BCCIP: variants seen among roughly 807,000 people sequenced by gnomAD.
BCCIP encodes the protein BRCA2 and CDKN1A interacting protein.
A neutral mutation model predicts 32.8 loss-of-function variants in BCCIP; 23 were observed. The observed-to-expected ratio is 0.70, with a 90% CI of 0.51 to 0.99. The LOEUF is 0.99. Ranked by LOEUF, BCCIP falls within the 50% of genes least tolerant of loss-of-function variation. BCCIP has a pLI of 0.00. For missense variants in BCCIP, 378 were observed against 379.8 expected (o/e 1.00, Z 0.04); for synonymous variants, 144 against 137.6 (o/e 1.05, Z -0.33).
chr10:125,835,968 A>G (rs1854669352), intron 6 of BCCIP, 136 bp from the exon 7 acceptor site: 2 of 773,720 alleles, frequency 2.6e-6, no homozygotes, highest in African/African-American at 1.8e-5. Flanking sequence ...AACTTTTTCA[A>G]TTCTGAGTTT....
chr10:125,850,110 C>T (rs1020348042), intron 7 of BCCIP, among the ~76,000 whole-genome samples: 1 of 148,322 alleles, frequency 6.7e-6, no homozygotes, highest in South Asian at 2.1e-4. Context: ...GTACTACAGG[C>T]GTATGCCACC....
At chr10:125,835,082 G>A (rs908953715) in intron 6 of BCCIP, among the ~76,000 whole-genome samples, 7 of 151,738 alleles carry the variant, frequency 4.6e-5, no homozygotes, top group African/African-American at 1.5e-4. Context: ...GCAGTGAGCC[G>A]AGATTGCGCC....
intron 1 of BCCIP, chr10:125,826,296 T>C: frequency 2.8e-6 from 1 of 356,242 alleles, no homozygotes; most frequent in Non-Finnish European, 5.1e-6. Flanking sequence ...TAAGTCAAGC[T>C]CTAGGCAATT....
At chr10:125,826,031 T>C (rs1028175163) in intron 1 of BCCIP, 2 of 153,970 alleles carry the variant, frequency 1.3e-5, no homozygotes, top group African/African-American at 4.8e-5. Flanking sequence ...AAGGAAGGCT[T>C]TCCTGACTGA....
downstream of BCCIP, among the ~76,000 whole-genome samples, chr10:125,843,414 TC>T (rs1306480962): frequency 2.0e-5 from 3 of 152,088 alleles, no homozygotes; most frequent in Non-Finnish European, 4.4e-5. Flanking sequence ...ATTGAGACCA[TC>T]CTGGCTAACA....
Position 125,836,336 on chromosome 10 carries a change from A to G in BCCIP, c.*62A>G. The stretch of plus-strand genomic sequence containing the variant: ...AAAATTACCAGAAAACTCAGTGGAG[A>G]TTTACTGAAAAACTCAGACTTTATT... On this transcript the variant is annotated 3_prime_UTR_variant, in exon 7 of 7. Coordinates refer to ENST00000278100, the MANE Select transcript of BCCIP (RefSeq NM_078468.3). 1 of 1,610,204 alleles carries G rather than the reference A, an allele frequency of 6.2e-7. No homozygotes were observed. Among genetic ancestry groups the G allele is most frequent in the Non-Finnish European group, 8.5e-7 (1 of 1,178,578 alleles).
Position 125,826,612 on chromosome 10 carries a change from G to A in BCCIP, c.187G>A (p.Ala63Thr), listed in dbSNP as rs1354218320. 6.2e-7 allele frequency: 1 copy of A among 1,613,626 alleles called. No individual in the cohort carries two copies. Among genetic ancestry groups the A allele is most frequent in the Non-Finnish European group, 8.5e-7 (1 of 1,179,778 alleles). ...ACAGGAAGTGAATATTGAATTTGAA[G>A]CTTATTCCCTATCAGATAATGATTA... ...IDEEVNIEFEAYSLSDNDYDG... is the reference protein window; with the variant it reads ...IDEEVNIEFETYSLSDNDYDG... Residue 63 changes from alanine to threonine, a missense_variant, in exon 2 of 7, where the codon GCT (alanine) becomes ACT (threonine). Transcript: ENST00000278100.
chr10:125,831,435 G>A lies in BCCIP; in HGVS notation c.427G>A (p.Glu143Lys). The A allele has an allele frequency of 1.2e-6, 2 of 1,613,966 alleles. No homozygotes were observed. Among genetic ancestry groups the A allele is most frequent in the Non-Finnish European group, 1.7e-6 (2 of 1,179,914 alleles). ...TGCTTTCTAGGGTACCCAGTGTGTT[G>A]AACAAATTCAAGAGTTGGTTCTACG... is the stretch of plus-strand genomic sequence containing the variant. ...LTERKGTQCV[E>K]QIQELVLRFC... is the part of the protein sequence containing the mutation. Residue 143 changes from glutamate (E) to lysine (K), a missense_variant, in exon 5 of 7, where the codon GAA (glutamate) becomes AAA (lysine). By Grantham distance (56) the Glu-to-Lys change is moderately conservative. Coordinates refer to ENST00000278100, the MANE Select transcript of BCCIP (RefSeq NM_078468.3).
chr10:125,846,837 T>G (rs1397921438), downstream of BCCIP, among the ~76,000 whole-genome samples: 3 of 152,162 alleles, frequency 2.0e-5, no homozygotes, highest in Non-Finnish European at 4.4e-5. Flanking sequence ...CAAGGGAGTT[T>G]CCAGGAGCTG....
intron 1 of BCCIP, 179 bp from the exon 2 acceptor site, chr10:125,826,412 A>G: frequency 1.1e-6 from 1 of 927,630 alleles, no homozygotes; most frequent in Admixed American, 3.6e-5. Context: ...GGACTTTCTC[A>G]ACATTTAAAC....
At chr10:125,836,659 C>T, downstream of BCCIP, 1 of 1,602,580 alleles carries the variant, frequency 6.2e-7, no homozygotes, top group Non-Finnish European at 8.5e-7. Flanking sequence ...CCTTTGGGAC[C>T]CTGCTGCACC....
chr10:125,832,425 C>T (rs7901852), intron 5 of BCCIP, among the ~76,000 whole-genome samples: 2,771 of 152,230 alleles, frequency 0.018, 96 homozygotes, highest in African/African-American at 0.063. Context: ...GAATGCAACT[C>T]TACTCTGGAA....
rs141100227 is a variant in BCCIP at position 125,833,373 on chromosome 10, G to A, written c.600-399G>A. 1.7e-3 allele frequency among the ~76,000 whole-genome samples: 261 copies of A among 152,322 alleles called. 1 individual carries two copies. Among genetic ancestry groups the A allele is most frequent in the African/African-American group, 6.0e-3 (249 of 41,572 alleles). On this transcript the variant is annotated intron_variant, in intron 5 of 6. Transcript: ENST00000278100. Reference sequence around the variant, plus strand: ...TGTGGTAGTAGTCACAGGCTGTAGTGACATTGGTTGTGGCTGTATACCTTT... The same window carrying A: ...TGTGGTAGTAGTCACAGGCTGTAGTAACATTGGTTGTGGCTGTATACCTTT...
At chr10:125,826,369 C>T in intron 1 of BCCIP, 1 of 605,868 alleles carries the variant, frequency 1.7e-6, no homozygotes. Context: ...ATAATTTATC[C>T]TTTGTGGCTG....
chr10:125,845,455 AT>A (rs1437491899), downstream of BCCIP, among the ~76,000 whole-genome samples: 1 of 152,224 alleles, frequency 6.6e-6, no homozygotes, highest in Non-Finnish European at 1.5e-5. Context: ...GTCTGCAATT[AT>A]TCCTGGGAAT....
chr10:125,828,957 G>A (rs563158012), intron 3 of BCCIP, among the ~76,000 whole-genome samples: 2 of 152,270 alleles, frequency 1.3e-5, no homozygotes, highest in East Asian at 1.9e-4. Flanking sequence ...TGTGGGCCTC[G>A]TCACACATTG....
chr10:125,840,937 TC>T, downstream of BCCIP: 1 of 1,612,516 alleles, frequency 6.2e-7, no homozygotes, highest in Non-Finnish European at 8.5e-7. Flanking sequence ...AAAAATGTCT[TC>T]CAACAAGTCA....
chr10:125,830,908 C>G (rs1293038810), intron 4 of BCCIP, among the ~76,000 whole-genome samples: 1 of 152,198 alleles, frequency 6.6e-6, no homozygotes, highest in African/African-American at 2.4e-5. Flanking sequence ...GATGCAGGAG[C>G]TGTTTGTGCT....
intron 7 of BCCIP, among the ~76,000 whole-genome samples, chr10:125,850,211 C>T (rs559235667): frequency 1.3e-5 from 2 of 151,550 alleles, no homozygotes; most frequent in South Asian, 4.2e-4. Context: ...TCCTGGCCCT[C>T]AAGCAGTTCT....
Sources: allele counts gnomAD v4.1 joint callset (sites outside exome capture counted in the v4.1 genomes callset), GRCh38; gene constraint gnomAD v4.1.1; transcripts MANE v1.5; gene names NCBI Gene and HGNC (gene_info 2026-07-23, HGNC 2026-07-21).